The following KDM4C variants were observed in gnomAD, a reference collection of about 807,000 sequenced individuals.
KDM4C encodes lysine demethylase 4C, also known as lysine-specific demethylase 4C.
KDM4C carries 81 observed loss-of-function variants against 129.3 expected under a neutral mutation model. The observed-to-expected ratio is 0.63, with a 90% confidence interval of 0.52 to 0.75. The LOEUF (loss-of-function observed/expected upper bound fraction) is 0.75. Ranked by LOEUF, KDM4C falls within the 30% of genes least tolerant of loss-of-function variation. KDM4C has a pLI of 0.00. For missense variants in KDM4C, 1,457 were observed against 1,304.0 expected (o/e 1.12, Z -1.81); for synonymous variants, 573 against 456.1 (o/e 1.26, Z -3.26).
intron 8 of KDM4C, among the ~76,000 whole-genome samples, chr9:6,956,128 G>A (rs1829023360): frequency 6.6e-6 from 1 of 152,116 alleles, no homozygotes; most frequent in Non-Finnish European, 1.5e-5. Context: ...GTGATGGGGA[G>A]GTGGGGATGG....
intron 17 of KDM4C, among the ~76,000 whole-genome samples, chr9:7,097,929 T>G (rs930252694): frequency 1.3e-5 from 2 of 152,258 alleles, no homozygotes; most frequent in African/African-American, 4.8e-5. Context: ...AACATTCATA[T>G]GGTTAATGGC....
chr9:7,133,665 G>C (rs578258406), intron 19 of KDM4C, among the ~76,000 whole-genome samples: 76 of 152,296 alleles, frequency 5.0e-4, no homozygotes, highest in African/African-American at 1.7e-3. Flanking sequence ...TGCAGCTGAG[G>C]TAGAAGACGC....
At chr9:7,154,492 T>A (rs1842979141) in intron 19 of KDM4C, among the ~76,000 whole-genome samples, 1 of 152,192 alleles carries the variant, frequency 6.6e-6, no homozygotes, top group South Asian at 2.1e-4. Context: ...AAGGCAACAT[T>A]TGAGGACAGC....
In KDM4C at chr9:7,154,615, A is replaced by G. The variant is rs1472645370; in HGVS notation, c.2782-10623A>G. ...ATTTTTCCTTTTAGTTGATGGAGCA[A>G]GTATAGGAGTTTGGCCCTGACTTTG... On this transcript the variant is annotated intron_variant, in intron 19 of 21. Coordinates refer to ENST00000381309, the MANE Select transcript of KDM4C (RefSeq NM_015061.6). 2.6e-5 allele frequency among the ~76,000 whole-genome samples: 4 copies of G among 152,186 alleles called. No individual in the cohort carries two copies. In the East Asian group the frequency reaches 5.8e-4, roughly 22 times the overall value.
chr9:6,807,289 C>T (rs1488075287), intron 3 of KDM4C, among the ~76,000 whole-genome samples: 2 of 151,866 alleles, frequency 1.3e-5, no homozygotes, highest in Non-Finnish European at 2.9e-5. Context: ...ATTGCAGCCT[C>T]TGCCCAGCCG....
chr9:6,825,574 C>T lies in KDM4C; in HGVS notation c.435+10829C>T, dbSNP rs574085798. ...GGAAGCCATGGAGTTCTTTGGGGTA[C>T]ATCATGTCCTGTGTTTTGTCTTATA... On this transcript the variant is annotated intron_variant, in intron 4 of 21. Coordinates refer to ENST00000381309, the MANE Select transcript of KDM4C (RefSeq NM_015061.6). 1.4e-3 allele frequency among the ~76,000 whole-genome samples: 209 copies of T among 152,274 alleles called. 1 individual carries two copies. The highest frequency in any genetic ancestry group is 4.1e-3 in the African/African-American group (169 of 41,536).
At chr9:6,837,525 A>G (rs1303022750) in intron 4 of KDM4C, among the ~76,000 whole-genome samples, 3 of 152,334 alleles carry the variant, frequency 2.0e-5, no homozygotes, top group African/African-American at 4.8e-5. Context: ...TTCACGCTTA[A>G]TATCTTACTA....
intron 17 of KDM4C, among the ~76,000 whole-genome samples, chr9:7,090,382 G>T (rs1384281472): frequency 6.6e-6 from 1 of 152,088 alleles, no homozygotes; most frequent in Non-Finnish European, 1.5e-5. Flanking sequence ...CAGCAGGGAG[G>T]GTAGGCATTC....
upstream of KDM4C, chr9:6,757,775 C>G (rs778555578): frequency 4.6e-5 from 45 of 985,474 alleles, no homozygotes; most frequent in Non-Finnish European, 5.4e-5. Context: ...GAGTATCTTT[C>G]CCCTCCGGAA....
chr9:6,860,556 C>G (rs1268091485), intron 5 of KDM4C, among the ~76,000 whole-genome samples: 1 of 152,046 alleles, frequency 6.6e-6, no homozygotes, highest in Non-Finnish European at 1.5e-5. Context: ...ACAACCAACC[C>G]CCATGACATG....
chr9:7,149,406 C>T (rs116800569), intron 19 of KDM4C, among the ~76,000 whole-genome samples: 16 of 152,368 alleles, frequency 1.1e-4, no homozygotes, highest in African/African-American at 3.1e-4. Context: ...CCTGAGAGCA[C>T]AGGGATGCCC....
intron 14 of KDM4C, 67 bp from the exon 15 acceptor site, chr9:7,015,786 A>C: frequency 9.6e-7 from 1 of 1,046,450 alleles, no homozygotes; most frequent in Admixed American, 1.7e-5. Flanking sequence ...TTATTTCAGT[A>C]CTGAGATCTG....
At chr9:6,873,831 A>G (rs1843136412) in intron 5 of KDM4C, among the ~76,000 whole-genome samples, 1 of 152,126 alleles carries the variant, frequency 6.6e-6, no homozygotes, top group Non-Finnish European at 1.5e-5. Flanking sequence ...CTCCTTACTA[A>G]GCTAAATCAT....
intron 15 of KDM4C, among the ~76,000 whole-genome samples, chr9:7,034,666 G>T (rs934538004): frequency 6.6e-6 from 1 of 152,142 alleles, no homozygotes; most frequent in Non-Finnish European, 1.5e-5. Context: ...TTGATATAAT[G>T]ATTTCTTTTC....
chr9:6,779,131 C>G (rs966200938), intron 1 of KDM4C, among the ~76,000 whole-genome samples: 2 of 150,820 alleles, frequency 1.3e-5, no homozygotes, highest in African/African-American at 4.9e-5. Context: ...CGGGTTCAAG[C>G]CATTCTCCTG....
chr9:6,990,669 C>T, intron 12 of KDM4C, 145 bp downstream of exon 12: 1 of 596,174 alleles, frequency 1.7e-6, no homozygotes, highest in Non-Finnish European at 3.0e-6. Flanking sequence ...AAATAATTTA[C>T]AGGTAAAAGG....
chr9:7,129,809 A>C (rs562526291), intron 19 of KDM4C, among the ~76,000 whole-genome samples: 1 of 152,322 alleles, frequency 6.6e-6, no homozygotes, highest in Admixed American at 6.5e-5. Flanking sequence ...CAAGAACTGG[A>C]ACCATGAACT....
chr9:6,854,400 C>G (rs1001239764), intron 5 of KDM4C, among the ~76,000 whole-genome samples: 2 of 151,768 alleles, frequency 1.3e-5, no homozygotes, highest in African/African-American at 4.8e-5. Context: ...TGGTACATGC[C>G]TGTAATCCCA....
chr9:6,997,229 G>C (rs1012818788), intron 12 of KDM4C, among the ~76,000 whole-genome samples: 3 of 152,224 alleles, frequency 2.0e-5, no homozygotes, highest in Admixed American at 2.0e-4. Flanking sequence ...GGGGAGCCAA[G>C]TTGTGGCCGT....
Sources: allele counts gnomAD v4.1 joint callset (sites outside exome capture counted in the v4.1 genomes callset), GRCh38; gene constraint gnomAD v4.1.1; transcripts MANE v1.5; gene names NCBI Gene and HGNC (gene_info 2026-07-23, HGNC 2026-07-21).